MYO16: variants seen among roughly 807,000 people sequenced by gnomAD.
MYO16 encodes the protein myosin XVI.
A neutral mutation model predicts 205.3 loss-of-function variants in MYO16; 94 were observed. The observed-to-expected ratio is 0.46, with a 90% CI of 0.39 to 0.54. The LOEUF is 0.54. Among genes scored for constraint, MYO16 ranks in the 20% least tolerant of loss-of-function variants. The probability of loss-of-function intolerance (pLI) is 0.00; values close to 1 mark genes in which losing one functional copy is unlikely to be tolerated. For synonymous variants in MYO16, 988 were observed against 954.0 expected (o/e 1.04, Z -0.66); for missense variants, 2,315 against 2,387.5 (o/e 0.97, Z 0.63).
At chr13:108,563,419 T>C in the MYO16 span, among the ~76,000 whole-genome samples, 3 of 152,102 alleles carry the variant, frequency 2.0e-5, no homozygotes, top group African/African-American at 7.2e-5. Flanking sequence ...AAATACTATG[T>C]CTTATTCATT....
intron 27 of MYO16, among the ~76,000 whole-genome samples, chr13:109,079,426 A>T (rs921831336): frequency 6.6e-6 from 1 of 151,840 alleles, no homozygotes; most frequent in Non-Finnish European, 1.5e-5. Flanking sequence ...CTGGAACACT[A>T]TGCAGCCATA....
the MYO16 span, among the ~76,000 whole-genome samples, chr13:108,517,438 C>T: frequency 3.3e-5 from 5 of 152,122 alleles, no homozygotes; most frequent in Admixed American, 6.6e-5. Context: ...GAGAGTTGTA[C>T]GCCCTGCTGG....
chr13:108,737,010 T>C (rs1884726747), intron 4 of MYO16, among the ~76,000 whole-genome samples: 1 of 152,234 alleles, frequency 6.6e-6, no homozygotes, highest in African/African-American at 2.4e-5. Flanking sequence ...TTTGCTGAAG[T>C]TGCTTATCAG....
At chr13:109,037,537 C>T (rs565854528) in intron 23 of MYO16, among the ~76,000 whole-genome samples, 7 of 152,024 alleles carry the variant, frequency 4.6e-5, no homozygotes, top group Non-Finnish European at 7.4e-5. Context: ...CTCTGGAAAA[C>T]GGCAAAGAAG....
At chr13:108,652,211 C>A (rs1881045193) in intron 1 of MYO16, among the ~76,000 whole-genome samples, 1 of 152,162 alleles carries the variant, frequency 6.6e-6, no homozygotes, top group Non-Finnish European at 1.5e-5. Context: ...GTGTCTACAG[C>A]ACCTGCATGT....
intron 4 of MYO16, among the ~76,000 whole-genome samples, chr13:108,731,142 C>CT (rs1884508600): frequency 6.6e-6 from 1 of 152,166 alleles, no homozygotes; most frequent in South Asian, 2.1e-4. Flanking sequence ...CTTTGTCTAA[C>CT]TAACACCAGC....
chr13:108,711,970 T>C (rs1030371261), intron 2 of MYO16, among the ~76,000 whole-genome samples: 2 of 152,234 alleles, frequency 1.3e-5, no homozygotes, highest in Non-Finnish European at 2.9e-5. Flanking sequence ...GCTTGTCTTA[T>C]AGCTTCATTT....
At chr13:108,720,190 A>G (rs1401607907) in intron 3 of MYO16, among the ~76,000 whole-genome samples, 1 of 152,214 alleles carries the variant, frequency 6.6e-6, no homozygotes, top group African/African-American at 2.4e-5. Flanking sequence ...TATGTTCAAG[A>G]TAACACTACA....
At chr13:109,101,642 G>A (rs1255577857) in intron 28 of MYO16, 4 of 152,144 alleles carry the variant, frequency 2.6e-5, no homozygotes, top group African/African-American at 9.7e-5. Context: ...GAAGTGAGAA[G>A]GGCAGATTAG....
chr13:109,022,916 TTA>T (rs912558706), intron 23 of MYO16, among the ~76,000 whole-genome samples: 12 of 135,260 alleles, frequency 8.9e-5, no homozygotes, highest in African/African-American at 3.2e-4. Context: ...ATGTATACAT[TTA>T]TATATTATAT....
Position 108,790,023 on chromosome 13 carries a change from G to A in MYO16, c.617-3493G>A, listed in dbSNP as rs576407251. Among the ~76,000 whole-genome samples the A allele has an allele frequency of 2.9e-4, 44 of 152,236 alleles. No homozygotes were observed. In the South Asian group the frequency reaches 9.1e-3, roughly 32 times the overall value. On this transcript the variant is annotated intron_variant, in intron 5 of 34. Transcript: ENST00000457511. ...AAGGTGAGGGGCTGGGTTACCCTAG[G>A]GAAACCAACCGTGGTGGTCTGACCC...
At position 108,806,672 on chromosome 13, in the gene MYO16, G is replaced by A. The variant is rs9301323; in HGVS notation, c.742-7G>A. 0.7 allele frequency: 1,132,775 copies of A among 1,608,986 alleles called. 403,828 individuals carry two copies. Among genetic ancestry groups the A allele is most frequent in the Admixed American group, 0.76 (45,690 of 59,888 alleles). ...AAAATGAATAATAAGATGTCTCTTC[G>A]CTGCAGTTACACATGGCGTGTGCGA... On this transcript the variant is annotated splice_region_variant and splice_polypyrimidine_tract_variant and intron_variant, in intron 6 of 34. Coordinates refer to ENST00000457511, the MANE Select transcript of MYO16 (RefSeq NM_001198950.3).
At chr13:108,753,383 A>AAAAAAAAAAAAAAAAAAAAAC (rs1885314493) in intron 4 of MYO16, among the ~76,000 whole-genome samples, 3 of 147,724 alleles carry the variant, frequency 2.0e-5, no homozygotes, top group African/African-American at 8.0e-5. Flanking sequence ...AAAAAAAAAA[A>AAAAAAAAAAAAAAAAAAAAAC]AAAAAAAAAA....
intron 10 of MYO16, among the ~76,000 whole-genome samples, chr13:108,847,991 TAGAG>T (rs1054297820): frequency 6.6e-6 from 1 of 152,024 alleles, no homozygotes; most frequent in East Asian, 1.9e-4. Flanking sequence ...CAGCCTGGAG[TAGAG>T]AGAGAGCGGG....
At chr13:108,601,869 T>A (rs963158642) in intron 1 of MYO16, among the ~76,000 whole-genome samples, 1 of 151,264 alleles carries the variant, frequency 6.6e-6, no homozygotes, top group Non-Finnish European at 1.5e-5. Flanking sequence ...TTTGGGAGAG[T>A]GTGACTTTGA....
intron 1 of MYO16, among the ~76,000 whole-genome samples, chr13:108,600,890 A>G (rs570560949): frequency 1.3e-5 from 2 of 152,114 alleles, no homozygotes; most frequent in Non-Finnish European, 1.5e-5. Context: ...CCAACTTTAT[A>G]TTTTCCAGCA....
intron 4 of MYO16, among the ~76,000 whole-genome samples, chr13:108,752,300 A>G (rs1213591720): frequency 6.6e-6 from 1 of 152,188 alleles, no homozygotes; most frequent in Non-Finnish European, 1.5e-5. Flanking sequence ...AATTTATGAA[A>G]TTACAGATTT....
the MYO16 span, among the ~76,000 whole-genome samples, chr13:108,567,889 T>A: frequency 6.6e-6 from 1 of 152,172 alleles, no homozygotes; most frequent in Non-Finnish European, 1.5e-5. Flanking sequence ...CTGGCAACCA[T>A]GAATACATTT....
At chr13:108,599,902 A>G (rs1363139859) in intron 1 of MYO16, among the ~76,000 whole-genome samples, 1 of 152,180 alleles carries the variant, frequency 6.6e-6, no homozygotes, top group East Asian at 1.9e-4. Flanking sequence ...ATCCATTCAC[A>G]AAGGCCATTT....
Sources: allele counts gnomAD v4.1 joint callset (sites outside exome capture counted in the v4.1 genomes callset), GRCh38; gene constraint gnomAD v4.1.1; transcripts MANE v1.5; gene names NCBI Gene and HGNC (gene_info 2026-07-23, HGNC 2026-07-21).